CARMIL1: variants seen among roughly 807,000 people sequenced by gnomAD.
CARMIL1 encodes the protein F-actin-uncapping protein LRRC16A.
In CARMIL1, 90 loss-of-function variants were observed where a neutral mutation model predicts 177.1. The observed-to-expected ratio is 0.51, with a 90% CI of 0.43 to 0.61. The LOEUF (loss-of-function observed/expected upper bound fraction) is 0.61. CARMIL1 is among the 20% of genes least tolerant of loss of function. The pLI is 0.00. For synonymous variants in CARMIL1, 577 were observed against 606.2 expected, an observed-to-expected ratio of 0.95 and a Z score of 0.71; for missense variants, 1,380 against 1,667.0, an observed-to-expected ratio of 0.83 and a Z score of 3.00.
At chr6:25,486,565 A>T (rs995270394) in intron 12 of CARMIL1, among the ~76,000 whole-genome samples, 4 of 152,216 alleles carry the variant, frequency 2.6e-5, no homozygotes, top group Non-Finnish European at 5.9e-5. Flanking sequence ...AAATACATTA[A>T]TACTAATATC....
Position 25,509,926 on chromosome 6 carries a change from C to G in CARMIL1, c.1477+189C>G, listed in dbSNP as rs1221765965. 1.3e-5 allele frequency among the ~76,000 whole-genome samples: 2 copies of G among 152,108 alleles called. No homozygotes were observed. Among genetic ancestry groups the G allele is most frequent in the African/African-American group, 2.4e-5 (1 of 41,412 alleles). On this transcript the variant is annotated intron_variant, in intron 18 of 36. Transcript: ENST00000329474. The surrounding 1 kb of genome is among the most constrained non-coding windows in gnomAD (Gnocchi z 4.1). Reference sequence around the variant, plus strand: ...AGAATAGATCTGTGCCAGAGTCTTACTAAGTTGACTCTGTGGCCAACTATG... The same window carrying G: ...AGAATAGATCTGTGCCAGAGTCTTAGTAAGTTGACTCTGTGGCCAACTATG...
chr6:25,500,332 G>A (rs929847219), intron 17 of CARMIL1, 97 bp downstream of exon 17: 4 of 985,478 alleles, frequency 4.1e-6, no homozygotes, highest in Admixed American at 2.2e-5. Context: ...TCCACAGGGT[G>A]TAAATGAAGC....
intron 2 of CARMIL1, among the ~76,000 whole-genome samples, chr6:25,417,810 A>G (rs536465077): frequency 1.3e-5 from 2 of 152,332 alleles, no homozygotes; most frequent in South Asian, 4.1e-4. Context: ...TGAGTTCATC[A>G]CTGAGTCTCA....
intron 36 of CARMIL1, among the ~76,000 whole-genome samples, chr6:25,616,798 A>G (rs545552254): frequency 1.3e-5 from 2 of 152,292 alleles, no homozygotes; most frequent in East Asian, 1.9e-4. Context: ...TCGTCCTACA[A>G]AGTTGTTCAC....
intron 2 of CARMIL1, among the ~76,000 whole-genome samples, chr6:25,378,931 G>C (rs976092678): frequency 4.6e-5 from 7 of 151,420 alleles, no homozygotes; most frequent in Non-Finnish European, 1.0e-4. Flanking sequence ...TTTGGGGTGA[G>C]AGTTAGTGTA....
At chr6:25,323,927 CATAAA>C (rs1481007868) in intron 2 of CARMIL1, among the ~76,000 whole-genome samples, 2 of 152,118 alleles carry the variant, frequency 1.3e-5, no homozygotes, top group African/African-American at 2.4e-5. Flanking sequence ...TTTTCTAGCT[CATAAA>C]ATAAGGATGG....
At chr6:25,488,668 C>A in intron 13 of CARMIL1, 83 bp downstream of exon 13, 1 of 1,067,742 alleles carries the variant, frequency 9.4e-7, no homozygotes, top group Non-Finnish European at 1.5e-6. Context: ...CTTTGTAGTG[C>A]ATTTTCCTGC....
intron 2 of CARMIL1, among the ~76,000 whole-genome samples, chr6:25,390,320 A>ATATATATATATATATATTTTTTTTTTTT (rs1554184839): frequency 1.7e-5 from 1 of 58,102 alleles, no homozygotes. Context: ...ATATATATAT[A>ATATATATATATATATATTTTTTTTTTTT]TTTTTTTTTT....
At chr6:25,409,718 G>A (rs529452435) in intron 2 of CARMIL1, among the ~76,000 whole-genome samples, 8 of 151,928 alleles carry the variant, frequency 5.3e-5, no homozygotes, top group African/African-American at 1.9e-4. Context: ...CGAGAATTGT[G>A]CACACACACA....
chr6:25,530,740 A>G (rs1408070496), intron 24 of CARMIL1, among the ~76,000 whole-genome samples: 2 of 152,194 alleles, frequency 1.3e-5, no homozygotes, highest in Non-Finnish European at 2.9e-5. Flanking sequence ...ACGCAATATG[A>G]GGTATAAATA....
intron 2 of CARMIL1, among the ~76,000 whole-genome samples, chr6:25,378,898 A>C (rs1791273767): frequency 6.6e-6 from 1 of 151,712 alleles, no homozygotes; most frequent in South Asian, 2.1e-4. Context: ...TTAAAAAAAA[A>C]AAAACAGGTG....
intron 2 of CARMIL1, among the ~76,000 whole-genome samples, chr6:25,286,846 A>C (rs1781558763): frequency 6.6e-6 from 1 of 152,236 alleles, no homozygotes; most frequent in Admixed American, 6.5e-5. Flanking sequence ...AATTAGCACT[A>C]TTTAAACATG....
chr6:25,434,659 G>C (rs1797082585), intron 4 of CARMIL1, among the ~76,000 whole-genome samples: 1 of 151,680 alleles, frequency 6.6e-6, no homozygotes, highest in African/African-American at 2.4e-5. Context: ...GAGTAGCTGG[G>C]ATTACATGGG....
intron 25 of CARMIL1, 40 bp downstream of exon 25, chr6:25,538,023 A>G (rs781579636): frequency 1.3e-6 from 2 of 1,533,680 alleles, no homozygotes; most frequent in Non-Finnish European, 1.7e-6. Context: ...CTGGTATAAT[A>G]AAAACGTTTC....
intron 2 of CARMIL1, among the ~76,000 whole-genome samples, chr6:25,333,390 C>G (rs1227703661): frequency 6.6e-6 from 1 of 151,890 alleles, no homozygotes; most frequent in African/African-American, 2.4e-5. Context: ...TCACAAGACC[C>G]CTTCTCTGCA....
Position 25,520,288 on chromosome 6 carries a change from C to T in CARMIL1, c.1919C>T (p.Ser640Phe). Residue 640 changes from serine (S) to phenylalanine (F), a missense_variant, in exon 23 of 37, where the codon TCT becomes TTT. Physicochemically the swap from Ser to Phe is radical, Grantham distance 155. Coordinates refer to ENST00000329474, the MANE Select transcript of CARMIL1 (RefSeq NM_017640.6). ...ATGCCAATTCCTATGTATGATGCTT[C>T]TCAAGCCCTAAAAACAAACCCTGAA... is the stretch of plus-strand genomic sequence containing the variant. ...RFMPIPMYDA[S>F]QALKTNPEKT... 1 of 1,566,460 alleles carries T rather than the reference C, an allele frequency of 6.4e-7. No individual in the cohort carries two copies. The highest frequency in any genetic ancestry group is 8.7e-7 in the Non-Finnish European group (1 of 1,154,282).
At chr6:25,608,701 G>T (rs184999660) in intron 35 of CARMIL1, among the ~76,000 whole-genome samples, 15 of 152,318 alleles carry the variant, frequency 9.8e-5, no homozygotes, top group Middle Eastern at 3.4e-3. Context: ...AGCTCTGACA[G>T]ATGGTGAAGG....
chr6:25,539,351 T>C (rs1466926136), intron 25 of CARMIL1, among the ~76,000 whole-genome samples: 1 of 151,964 alleles, frequency 6.6e-6, no homozygotes, highest in Non-Finnish European at 1.5e-5. Flanking sequence ...GACACCCATT[T>C]AGTGTATGCA....
At position 25,326,746 on chromosome 6, in the gene CARMIL1, G is replaced by A. The variant is rs145747541; in HGVS notation, c.138+41837G>A. ...TGGTAAGCAGTAGATGGATTCTGGT[G>A]TATGTTTTGAAGGTAGGGATGATAG... On this transcript the variant is annotated intron_variant, in intron 2 of 36. Transcript: ENST00000329474. This position sits in a 1 kb window ranked among gnomAD's most constrained non-coding sequence, Gnocchi z 4.2. Among the ~76,000 whole-genome samples the A allele has an allele frequency of 2.0e-4, 31 of 152,240 alleles. No homozygotes were observed. The East Asian group carries it at 5.0e-3, about 25-fold the overall frequency.
Sources: gnomAD v4.1 joint callset for allele counts (sites outside exome capture counted in the v4.1 genomes callset) on GRCh38, gnomAD v4.1.1 for gene constraint, Gnocchi (gnomAD v3.1) non-coding constraint, MANE v1.5 for transcripts, NCBI Gene and HGNC (gene_info 2026-07-23, HGNC 2026-07-21) for gene names.